NTM: variants seen among roughly 807,000 people sequenced by gnomAD.
NTM encodes the protein neurotrimin.
NTM carries 13 observed loss-of-function variants against 42.1 expected under a neutral mutation model. The ratio of observed to expected loss-of-function variants is 0.31; its 90% CI spans 0.20 to 0.49. The LOEUF is 0.49. Ranked by LOEUF, NTM falls within the 20% of genes least tolerant of loss-of-function variation. NTM has a pLI of 0.99. For synonymous variants in NTM, 187 were observed against 179.2 expected (o/e 1.04, Z -0.35); for missense variants, 373 against 452.8 (o/e 0.82, Z 1.60).
chr11:131,589,088 G>A (rs959195749), intron 1 of NTM, among the ~76,000 whole-genome samples: 1 of 151,990 alleles, frequency 6.6e-6, no homozygotes, highest in Non-Finnish European at 1.5e-5. Flanking sequence ...TGAGAAGACA[G>A]GTGGCATGAT....
chr11:131,470,883 A>G (rs1185538176), intron 1 of NTM, among the ~76,000 whole-genome samples: 1 of 152,130 alleles, frequency 6.6e-6, no homozygotes, highest in Non-Finnish European at 1.5e-5. Context: ...GAACACTTGC[A>G]TTTCCACGCT....
chr11:131,910,728 T>C, intron 1 of NTM: 1 of 594,272 alleles, frequency 1.7e-6, no homozygotes, highest in Non-Finnish European at 2.1e-6. Flanking sequence ...CTACCGAGCT[T>C]GGGGCCGCCG....
At position 131,674,280 on chromosome 11, in the gene NTM, G is replaced by A. The variant is rs181943215; in HGVS notation, c.83-237284G>A. Among the ~76,000 whole-genome samples the A allele has an allele frequency of 2.4e-3, 368 of 152,366 alleles. 3 individuals carry two copies. The highest frequency in any genetic ancestry group is 4.4e-3 in the Non-Finnish European group (302 of 68,042). ...TGAAAAGGAATGCAGTTCATAAAAA[G>A]TCTTCCTTCTCTACCCAAGACATTC... On this transcript the variant is annotated intron_variant, in intron 1 of 8. Transcript: ENST00000683400.
At chr11:131,652,003 C>T (rs1202569233) in intron 1 of NTM, among the ~76,000 whole-genome samples, 4 of 152,178 alleles carry the variant, frequency 2.6e-5, no homozygotes, top group African/African-American at 4.8e-5. Context: ...CAGAGCTGCT[C>T]TTTGTCCTGG....
At chr11:131,963,324 G>A (rs1490705722) in intron 2 of NTM, among the ~76,000 whole-genome samples, 1 of 152,164 alleles carries the variant, frequency 6.6e-6, no homozygotes, top group South Asian at 2.1e-4. Context: ...TGAGTTTGGG[G>A]AACCTGGATC....
At chr11:131,712,173 T>TTA (rs1555096020) in intron 1 of NTM, among the ~76,000 whole-genome samples, 2 of 133,986 alleles carry the variant, frequency 1.5e-5, no homozygotes, top group African/African-American at 5.7e-5. Context: ...ATTAAAAAAT[T>TTA]AAAAAAAAAA....
At chr11:131,760,594 A>G (rs2083999899) in intron 1 of NTM, among the ~76,000 whole-genome samples, 1 of 152,112 alleles carries the variant, frequency 6.6e-6, no homozygotes, top group Non-Finnish European at 1.5e-5. Flanking sequence ...AGCATCTCAC[A>G]CTGCACTGTT....
chr11:131,669,770 A>C (rs541056337), intron 1 of NTM, among the ~76,000 whole-genome samples: 1 of 152,338 alleles, frequency 6.6e-6, no homozygotes, highest in East Asian at 1.9e-4. Flanking sequence ...ACCATTCCTC[A>C]GGAGAGCAAA....
intron 1 of NTM, among the ~76,000 whole-genome samples, chr11:131,396,798 C>T (rs1944610262): frequency 6.6e-6 from 1 of 151,678 alleles, no homozygotes; most frequent in Non-Finnish European, 1.5e-5. Flanking sequence ...TGTGCCACTG[C>T]ACTCCAGCCC....
chr11:131,872,973 C>G (rs1293409433), intron 1 of NTM, among the ~76,000 whole-genome samples: 1 of 152,114 alleles, frequency 6.6e-6, no homozygotes, highest in South Asian at 2.1e-4. Context: ...AATGTAAAAA[C>G]GTTCCTATTT....
chr11:131,867,920 G>A (rs1009267512), intron 1 of NTM, among the ~76,000 whole-genome samples: 1 of 152,146 alleles, frequency 6.6e-6, no homozygotes, highest in Admixed American at 6.5e-5. Context: ...GTTTTGGTTT[G>A]CTGGAGACCT....
chr11:131,619,843 C>T (rs1241927381), intron 1 of NTM, among the ~76,000 whole-genome samples: 1 of 150,068 alleles, frequency 6.7e-6, no homozygotes, highest in African/African-American at 2.5e-5. Flanking sequence ...CTTGCTCTGT[C>T]ACCCAGGCTG....
At chr11:132,327,702 C>T (rs2095712215) in intron 7 of NTM, among the ~76,000 whole-genome samples, 2 of 152,258 alleles carry the variant, frequency 1.3e-5, no homozygotes, top group South Asian at 2.1e-4. Flanking sequence ...ATTGAGCAGA[C>T]ATTGAATATT....
intron 1 of NTM, among the ~76,000 whole-genome samples, chr11:131,800,586 A>G (rs543314590): frequency 1.3e-5 from 2 of 152,348 alleles, no homozygotes; most frequent in East Asian, 3.9e-4. Context: ...TGAGCCTGGC[A>G]TGCTTTCTGC....
chr11:131,804,582 C>T (rs182504116), intron 1 of NTM, among the ~76,000 whole-genome samples: 56 of 152,286 alleles, frequency 3.7e-4, no homozygotes, highest in Non-Finnish European at 7.4e-4. Context: ...CTTGCTTACC[C>T]GACACAGTCT....
intron 1 of NTM, among the ~76,000 whole-genome samples, chr11:131,572,752 T>C (rs57698709): frequency 0.039 from 5,864 of 152,262 alleles, 342 homozygotes; most frequent in African/African-American, 0.13. Flanking sequence ...GATTTGCACT[T>C]TCAGGCAGAA....
intron 2 of NTM, among the ~76,000 whole-genome samples, chr11:132,057,552 C>T (rs182755320): frequency 7.8e-4 from 119 of 152,328 alleles, no homozygotes; most frequent in Middle Eastern, 3.4e-3. Flanking sequence ...CCCCTTTCGC[C>T]AAACACTTCA....
chr11:132,160,929 C>T (rs747881250), intron 3 of NTM, among the ~76,000 whole-genome samples: 1 of 152,178 alleles, frequency 6.6e-6, no homozygotes, highest in South Asian at 2.1e-4. Flanking sequence ...GGCAGATGGC[C>T]CAGGGCCTGG....
chr11:131,737,323 C>T (rs931736313), intron 1 of NTM, among the ~76,000 whole-genome samples: 3 of 152,164 alleles, frequency 2.0e-5, no homozygotes, highest in Non-Finnish European at 4.4e-5. Flanking sequence ...GATGGTGGAT[C>T]TCACCTCTCT....
Sources: allele counts gnomAD v4.1 joint callset (sites outside exome capture counted in the v4.1 genomes callset), GRCh38; gene constraint gnomAD v4.1.1; transcripts MANE v1.5; gene names NCBI Gene and HGNC (gene_info 2026-07-23, HGNC 2026-07-21).